The following CCT2 variants were observed in gnomAD, a reference collection of about 807,000 sequenced individuals.
The protein encoded by CCT2 is chaperonin containing TCP1 subunit 2.
Under a neutral mutation model 61.8 loss-of-function variants are expected in CCT2, and 18 were observed. That is an observed-to-expected ratio of 0.29 (90% CI 0.20 to 0.43). The LOEUF is 0.43. CCT2 is among the 20% of genes least tolerant of loss of function. The pLI, the probability that CCT2 is intolerant of heterozygous loss-of-function variation, is 1.00. For synonymous variants in CCT2, 248 were observed against 215.9 expected (o/e 1.15, Z -1.30); for missense variants, 556 against 656.9 (o/e 0.85, Z 1.68).
intron 13 of CCT2, 41 bp downstream of exon 13, chr12:69,598,112 G>T: frequency 7.0e-7 from 1 of 1,432,848 alleles, no homozygotes; most frequent in South Asian, 1.2e-5. Flanking sequence ...TAAGTTTTGT[G>T]GTTATTGATA....
chr12:69,597,933 G>C, intron 12 of CCT2, 35 bp from the exon 13 acceptor site: 1 of 1,538,798 alleles, frequency 6.5e-7, no homozygotes, highest in Non-Finnish European at 9.0e-7. Flanking sequence ...AGACAACTAA[G>C]CATTGCAATA....
chr12:69,586,714 T>A, intron 2 of CCT2, 39 bp from the exon 3 acceptor site: 1 of 1,414,618 alleles, frequency 7.1e-7, no homozygotes, highest in Non-Finnish European at 9.8e-7. Flanking sequence ...TTGAAGACTG[T>A]AAAGTTGATT....
chr12:69,589,550 T>G lies in CCT2; in HGVS notation c.512T>G (p.Leu171Arg). 6.2e-7 allele frequency: 1 copy of G among 1,614,094 alleles called. No individual in the cohort carries two copies. Among genetic ancestry groups the G allele is most frequent in the Non-Finnish European group, 8.5e-7 (1 of 1,179,942 alleles). The part of the protein sequence containing the change: ...NIAGTTLSSK[L>R]LTHHKDHFTK... ...GCGGGCACAACATTATCCTCAAAAC[T>G]TCTTACTCATCACAAAGACCACTTT... is the stretch of plus-strand genomic sequence containing the variant. The change falls in exon 7 of 16, where the codon CTT becomes CGT. Residue 171 changes from leucine (L) to arginine (R), a missense_variant. Around this residue, in one of 3 missense-constraint regions of CCT2, gnomAD observed 308 missense variants for 350.6 expected, o/e 0.88. Coordinates refer to ENST00000299300, the MANE Select transcript of CCT2 (RefSeq NM_006431.3).
At chr12:69,590,061 A>G (rs920387934) in intron 7 of CCT2, among the ~76,000 whole-genome samples, 1 of 152,246 alleles carries the variant, frequency 6.6e-6, no homozygotes, top group South Asian at 2.1e-4. Flanking sequence ...GAGGATGTAC[A>G]GTTGACCATT....
At chr12:69,592,590 TAC>T (rs764335550) in intron 8 of CCT2, 13 of 191,134 alleles carry the variant, frequency 6.8e-5, no homozygotes, top group Non-Finnish European at 9.7e-5. Flanking sequence ...CACATATATA[TAC>T]GTTGGTAAAA....
At chr12:69,598,545 T>C (rs1011936000) in intron 14 of CCT2, 124 bp downstream of exon 14, 2 of 500,390 alleles carry the variant, frequency 4.0e-6, no homozygotes, top group African/African-American at 4.0e-5. Context: ...GACTTTGTCC[T>C]CATAATCATT....
chr12:69,586,169 T>G lies in CCT2; in HGVS notation c.4-101T>G, dbSNP rs1183698925. The G allele has an allele frequency of 1.6e-5, 19 of 1,158,314 alleles. No individual in the cohort carries two copies. In the East Asian group the frequency reaches 4.5e-4, roughly 28 times the overall value. The allele number at this position is 1,158,314 out of a possible 1,614,324, so 71.8% of individuals were successfully genotyped here. On this transcript the variant is annotated intron_variant, in intron 1 of 15. Coordinates refer to ENST00000299300, the MANE Select transcript of CCT2 (RefSeq NM_006431.3). Reference sequence around the variant, plus strand: ...ATTGAAAACATTGTTGTAAATGAGTTTTCTCTTAGATGTCCACTTGTAAGA... The same window carrying G: ...ATTGAAAACATTGTTGTAAATGAGTGTTCTCTTAGATGTCCACTTGTAAGA...
intron 10 of CCT2, among the ~76,000 whole-genome samples, chr12:69,595,707 AG>A (rs1881968427): frequency 6.7e-6 from 1 of 149,920 alleles, no homozygotes; most frequent in Admixed American, 6.6e-5. Flanking sequence ...AAAAAAAAAA[AG>A]ATGTAAGAAG....
intron 15 of CCT2, 103 bp downstream of exon 15, chr12:69,600,107 C>T (rs1882108356): frequency 4.5e-6 from 5 of 1,112,808 alleles, no homozygotes; most frequent in Non-Finnish European, 2.5e-6. Flanking sequence ...GACAGTTTTG[C>T]CTGGATAAAA....
intron 2 of CCT2, 33 bp downstream of exon 2, chr12:69,586,377 A>G: frequency 6.6e-7 from 1 of 1,506,232 alleles, no homozygotes; most frequent in Non-Finnish European, 9.2e-7. Flanking sequence ...TTTTAAAGAT[A>G]AAACTGGAGG....
In CCT2 at chr12:69,593,026, A is replaced by G. The variant is rs775393702; in HGVS notation, c.801A>G (p.Ile267Met). The change falls in exon 9 of 16, where the codon ATA becomes ATG. Residue 267 changes from isoleucine to methionine, a missense_variant. Physicochemically the swap from Ile to Met is conservative, Grantham distance 10. Transcript: ENST00000299300. The part of the protein sequence containing the change: ...RVDSTAKVAE[I>M]EHAEKEKMKE... ...ACTCTACAGCAAAGGTTGCAGAAAT[A>G]GAACATGCGGAAAAGGAAAAAATGA... 6.2e-7 allele frequency: 1 copy of G among 1,613,726 alleles called. No homozygotes were observed. The highest frequency in any genetic ancestry group is 2.2e-5 in the East Asian group (1 of 44,876).
At chr12:69,586,864 G>A (rs1208047285) in intron 3 of CCT2, 46 bp downstream of exon 3, 10 of 1,170,224 alleles carry the variant, frequency 8.5e-6, no homozygotes, top group African/African-American at 3.2e-5. Context: ...GTTTTAGAGC[G>A]CTTGGTGGAA....
At chr12:69,591,234 G>A (rs149400102) in intron 7 of CCT2, among the ~76,000 whole-genome samples, 317 of 152,176 alleles carry the variant, frequency 2.1e-3, no homozygotes, top group African/African-American at 7.1e-3. Context: ...TAATGGAAAA[G>A]TTTCTAATGT....
In CCT2 at chr12:69,593,502, A is replaced by G. The variant is rs1243483455; in HGVS notation, c.879-8A>G. On this transcript the variant is annotated splice_polypyrimidine_tract_variant and splice_region_variant and intron_variant, in intron 9 of 15. Transcript: ENST00000299300. ...TGAGCATAATGTTTTCATGTATTTT[A>G]TTTACAGGCAATTAATTTATAATTA... 6.4e-7 allele frequency: 1 copy of G among 1,563,532 alleles called. No individual in the cohort carries two copies. The highest frequency in any genetic ancestry group is 8.8e-7 in the Non-Finnish European group (1 of 1,137,272).
In CCT2 at chr12:69,587,932, A is replaced by G. The variant is rs376204989; in HGVS notation, c.259A>G (p.Met87Val). The G allele has an allele frequency of 4.0e-5, 64 of 1,609,404 alleles. No homozygotes were observed. The highest frequency in any genetic ancestry group is 1.3e-4 in the African/African-American group (10 of 74,830). ...DNPAAKVLVD[M>V]SRVQDDEVGD... ...TAATAACTAATTTCTTTTTCTAGAT[A>G]TGTCAAGGGTTCAAGATGATGAAGT... Residue 87 changes from methionine to valine, a missense_variant and splice_region_variant, in exon 5 of 16, where the codon ATG becomes GTG. Physicochemically the swap from Met to Val is conservative, Grantham distance 21. Coordinates refer to ENST00000299300, the MANE Select transcript of CCT2 (RefSeq NM_006431.3).
At position 69,597,987 on chromosome 12, in the gene CCT2, G is replaced by A; in HGVS notation, c.1251G>A (p.Met417Ile). The A allele has an allele frequency of 1.2e-6, 2 of 1,613,738 alleles. No homozygotes were observed. Among genetic ancestry groups the A allele is most frequent in the Non-Finnish European group, 1.7e-6 (2 of 1,179,728 alleles). Residue 417 changes from methionine (M) to isoleucine (I), a missense_variant, in exon 13 of 16, where the codon ATG becomes ATA. Around this residue, in one of 3 missense-constraint regions of CCT2, gnomAD observed 225 missense variants for 249.8 expected, o/e 0.90. Transcript: ENST00000299300. ...VYGGGCSEML[M>I]AHAVTQLANR... The stretch of plus-strand genomic sequence containing the variant: ...CTTTAGGCTGTTCTGAGATGTTGAT[G>A]GCTCATGCTGTGACACAGCTTGCCA...
chr12:69,597,968 G>C lies in CCT2; in HGVS notation c.1232G>C (p.Gly411Ala). ...VKDSRTVYGG[G>A]CSEMLMAHAV... is the part of the protein sequence containing the mutation. ...ATTTTATTGGAATTTTAATCTTTAGGCTGTTCTGAGATGTTGATGGCTCAT... is the reference window on the plus strand; with the variant it reads ...ATTTTATTGGAATTTTAATCTTTAGCCTGTTCTGAGATGTTGATGGCTCAT... Residue 411 changes from glycine (G) to alanine (A), a missense_variant and splice_region_variant, in exon 13 of 16, where the codon GGC (glycine) becomes GCC (alanine). Physicochemically the swap from Gly to Ala is moderately conservative, Grantham distance 60. Around this residue, in one of 3 missense-constraint regions of CCT2, gnomAD observed 225 missense variants for 249.8 expected, o/e 0.90. Coordinates refer to ENST00000299300, the MANE Select transcript of CCT2 (RefSeq NM_006431.3). 6.2e-7 allele frequency: 1 copy of C among 1,611,264 alleles called. No individual in the cohort carries two copies. Among genetic ancestry groups the C allele is most frequent in the East Asian group, 2.2e-5 (1 of 44,860 alleles).
rs1882053331 is a variant in CCT2 at position 69,598,376 on chromosome 12, C to G, written c.1390C>G (p.Gln464Glu). The change falls in exon 14 of 16, where the codon CAG becomes GAG. Residue 464 changes from glutamine (Q) to glutamate (E), a missense_variant. Gln to Glu is a conservative substitution (Grantham distance 29). This residue lies in a region of CCT2 where 225 missense variants were observed against 249.8 expected (regional missense o/e 0.90). Coordinates refer to ENST00000299300, the MANE Select transcript of CCT2 (RefSeq NM_006431.3). ...CTATGACAGTGCAGACCTGGTGGCACAGCTCAGGGCTGCTCACAGTGAAGG... is the reference window on the plus strand; with the variant it reads ...CTATGACAGTGCAGACCTGGTGGCAGAGCTCAGGGCTGCTCACAGTGAAGG... ...AGYDSADLVA[Q>E]LRAAHSEGNT... is the part of the protein sequence containing the mutation. 6.2e-7 allele frequency: 1 copy of G among 1,604,104 alleles called. No homozygotes were observed. Among genetic ancestry groups the G allele is most frequent in the South Asian group, 1.1e-5 (1 of 88,908 alleles).
In CCT2 at chr12:69,586,733, C is replaced by T. The variant is rs764309233; in HGVS notation, c.79-20C>T. 6.4e-7 allele frequency: 1 copy of T among 1,553,454 alleles called. No homozygotes were observed. The highest frequency in any genetic ancestry group is 8.8e-7 in the Non-Finnish European group (1 of 1,141,636). On this transcript the variant is annotated intron_variant, in intron 2 of 15. Transcript: ENST00000299300. ...AGACTGTAAAGTTGATTCTGATAAT[C>T]TCCTTGGTTTTTACTCCAGACTTCT...
Sources: gnomAD v4.1 joint callset for allele counts (sites outside exome capture counted in the v4.1 genomes callset) on GRCh38, gnomAD v4.1.1 for gene constraint, gnomAD v4.1.1 regional missense constraint, MANE v1.5 for transcripts, NCBI Gene and HGNC (gene_info 2026-07-23, HGNC 2026-07-21) for gene names.